Variants in PARP8 observed in about 807,000 individuals in gnomAD.
The protein encoded by PARP8 is poly(ADP-ribose) polymerase family member 8.
PARP8 carries 51 observed loss-of-function variants against 124.1 expected under a neutral mutation model. The observed-to-expected ratio is 0.41, with a 90% CI of 0.33 to 0.52. PARP8 has a LOEUF of 0.52. Among genes scored for constraint, PARP8 ranks in the 20% least tolerant of loss-of-function variants. The pLI is 0.21. For synonymous variants in PARP8, 391 were observed against 361.5 expected (o/e 1.08, Z -0.93); for missense variants, 860 against 1,018.9 (o/e 0.84, Z 2.12).
chr5:50,756,060 A>C (rs1759909277), intron 3 of PARP8, among the ~76,000 whole-genome samples: 1 of 152,228 alleles, frequency 6.6e-6, no homozygotes, highest in South Asian at 2.1e-4. Flanking sequence ...GAAGTTGCTT[A>C]TCAGCTTAGG....
intron 2 of PARP8, among the ~76,000 whole-genome samples, chr5:50,728,099 G>A (rs1756612608): frequency 6.6e-6 from 1 of 152,106 alleles, no homozygotes; most frequent in African/African-American, 2.4e-5. Flanking sequence ...ATTCTTGCCA[G>A]TGCCGAGACC....
At chr5:50,771,913 A>G (rs1343354777) in intron 7 of PARP8, among the ~76,000 whole-genome samples, 1 of 152,168 alleles carries the variant, frequency 6.6e-6, no homozygotes, top group Non-Finnish European at 1.5e-5. Flanking sequence ...ATATCATACT[A>G]GTGTTTACCA....
At chr5:50,839,329 T>C (rs1353514927) in intron 25 of PARP8, among the ~76,000 whole-genome samples, 1 of 152,034 alleles carries the variant, frequency 6.6e-6, no homozygotes, top group Non-Finnish European at 1.5e-5. Flanking sequence ...GTGGTTATCA[T>C]TCATGTTCTA....
At chr5:50,727,978 C>A (rs1756599502) in intron 2 of PARP8, among the ~76,000 whole-genome samples, 1 of 152,130 alleles carries the variant, frequency 6.6e-6, no homozygotes, top group South Asian at 2.1e-4. Flanking sequence ...TTACTTTCCA[C>A]CTGTGTTGGC....
Position 50,795,090 on chromosome 5 carries a change from C to T in PARP8, c.1101C>T (p.Cys367=), listed in dbSNP as rs1742382425. 6.2e-7 allele frequency: 1 copy of T among 1,614,056 alleles called. No individual in the cohort carries two copies. Among genetic ancestry groups the T allele is most frequent in the African/African-American group, 1.3e-5 (1 of 74,910 alleles). The change falls in exon 12 of 26, where the codon TGC becomes TGT. Residue 367 remains cysteine, a synonymous_variant. Transcript: ENST00000281631. ...IKSHKLLNRP[C]PAAVKSEECL... is the part of the protein sequence containing the mutation. ...CGCACAAACTTTTGAACCGTCCTTG[C>T]CCTGCAGCTGTTAAGTCAGAGGAAT...
intron 7 of PARP8, among the ~76,000 whole-genome samples, chr5:50,773,456 G>A (rs1173680102): frequency 6.6e-6 from 1 of 152,130 alleles, no homozygotes; most frequent in East Asian, 1.9e-4. Context: ...TGTTCTTGGA[G>A]CCTTTGTTGA....
At chr5:50,721,033 T>A (rs1009142073) in intron 2 of PARP8, among the ~76,000 whole-genome samples, 1 of 151,802 alleles carries the variant, frequency 6.6e-6, no homozygotes, top group African/African-American at 2.4e-5. Flanking sequence ...TCCTGTGTCC[T>A]CTGCTACATG....
At chr5:50,813,842 C>G (rs1238371192) in intron 14 of PARP8, among the ~76,000 whole-genome samples, 1 of 151,914 alleles carries the variant, frequency 6.6e-6, no homozygotes, top group Non-Finnish European at 1.5e-5. Context: ...CAGACACGCA[C>G]ACACACACAC....
chr5:50,688,857 A>T (rs1407456883), intron 2 of PARP8, among the ~76,000 whole-genome samples: 3 of 152,146 alleles, frequency 2.0e-5, no homozygotes, highest in African/African-American at 7.2e-5. Flanking sequence ...AATTAAGAAC[A>T]TTATGATGTA....
intron 7 of PARP8, 158 bp downstream of exon 7, chr5:50,763,400 A>G (rs1241898299): frequency 1.0e-5 from 6 of 576,880 alleles, no homozygotes; most frequent in Admixed American, 3.0e-5. Context: ...TGACATATTT[A>G]TGGCTATTTT....
intron 2 of PARP8, among the ~76,000 whole-genome samples, chr5:50,738,301 A>AC (rs1294797101): frequency 6.6e-6 from 1 of 152,104 alleles, no homozygotes; most frequent in Non-Finnish European, 1.5e-5. Context: ...AAATATTAAA[A>AC]CCTGTGCGCT....
intron 7 of PARP8, among the ~76,000 whole-genome samples, chr5:50,769,474 A>G (rs890077566): frequency 6.6e-6 from 1 of 152,112 alleles, no homozygotes; most frequent in Non-Finnish European, 1.5e-5. Context: ...TGTTGTAACC[A>G]TTTAAAAAGT....
At chr5:50,758,840 T>TA (rs1419533850) in intron 3 of PARP8, among the ~76,000 whole-genome samples, 2 of 151,712 alleles carry the variant, frequency 1.3e-5, no homozygotes, top group Non-Finnish European at 2.9e-5. Flanking sequence ...GCTAAACTCA[T>TA]AAAAATGTTA....
intron 7 of PARP8, among the ~76,000 whole-genome samples, chr5:50,765,214 A>G (rs34827507): frequency 0.067 from 10,166 of 151,936 alleles, 382 homozygotes; most frequent in Middle Eastern, 0.11. Flanking sequence ...GTGAGCTGAG[A>G]TCGTGGCATT....
At chr5:50,813,519 A>G (rs1417821019) in intron 14 of PARP8, among the ~76,000 whole-genome samples, 2 of 152,192 alleles carry the variant, frequency 1.3e-5, no homozygotes, top group African/African-American at 2.4e-5. Context: ...TTCTAAATAT[A>G]CAACCATGTC....
In PARP8 at chr5:50,795,257, T is replaced by G. The variant is rs753400508; in HGVS notation, c.1268T>G (p.Leu423Arg). 1 of 1,614,176 alleles carries G rather than the reference T, an allele frequency of 6.2e-7. No individual in the cohort carries two copies. The highest frequency in any genetic ancestry group is 1.1e-5 in the South Asian group (1 of 91,082). The change falls in exon 12 of 26, where the codon CTG (leucine) becomes CGG (arginine). Residue 423 changes from leucine (L) to arginine (R), a missense_variant. Leu to Arg is a moderately radical substitution (Grantham distance 102, BLOSUM62 -2). Coordinates refer to ENST00000281631, the MANE Select transcript of PARP8 (RefSeq NM_024615.4). Reference sequence around the variant, plus strand: ...CTCAGAATGGAAGAATTATATGGACTGAAAAATCACAAATTGCTCAGCAAG... The same window carrying G: ...CTCAGAATGGAAGAATTATATGGACGGAAAAATCACAAATTGCTCAGCAAG... ...SNLRMEELYG[L>R]KNHKLLSKSY...
intron 2 of PARP8, among the ~76,000 whole-genome samples, chr5:50,689,636 G>A (rs1752276466): frequency 6.6e-6 from 1 of 152,186 alleles, no homozygotes; most frequent in Non-Finnish European, 1.5e-5. Flanking sequence ...CAGTGAAGAG[G>A]AGTGAAAGGA....
intron 14 of PARP8, among the ~76,000 whole-genome samples, chr5:50,799,541 G>A (rs1742955554): frequency 6.6e-6 from 1 of 152,160 alleles, no homozygotes; most frequent in Non-Finnish European, 1.5e-5. Context: ...TTGACTGTTT[G>A]GGGTCTCTTG....
chr5:50,786,786 C>T (rs545941152), intron 9 of PARP8, among the ~76,000 whole-genome samples: 8 of 152,252 alleles, frequency 5.3e-5, no homozygotes, highest in African/African-American at 1.9e-4. Flanking sequence ...CTCACATTTT[C>T]TCTCTCCTCC....
Sources: gnomAD v4.1 joint callset for allele counts (sites outside exome capture counted in the v4.1 genomes callset) on GRCh38, gnomAD v4.1.1 for gene constraint, MANE v1.5 for transcripts, NCBI Gene and HGNC (gene_info 2026-07-23, HGNC 2026-07-21) for gene names.